KLHDC4: variants seen among roughly 807,000 people sequenced by gnomAD.
KLHDC4 encodes the protein kelch domain containing 4, also known as kelch domain-containing protein 4.
A neutral mutation model predicts 62.4 loss-of-function variants in KLHDC4; 90 were observed. The ratio of observed to expected loss-of-function variants is 1.44; its 90% CI spans 1.22 to 1.72. The LOEUF (loss-of-function observed/expected upper bound fraction) is 1.72, where lower values mean the gene tolerates loss of function less well. Among genes scored for constraint, KLHDC4 ranks in the 40% most tolerant of loss-of-function variants. The probability of loss-of-function intolerance (pLI) is 0.00; values close to 1 mark genes in which losing one functional copy is unlikely to be tolerated. For synonymous variants in KLHDC4, 386 were observed against 284.4 expected (o/e 1.36, Z -3.59); for missense variants, 1,025 against 699.7 (o/e 1.47, Z -5.25).
chr16:87,701,565 C>G (rs1376673245), exon 1 of KLHDC4: 1 of 405,586 alleles, frequency 2.5e-6, no homozygotes, highest in African/African-American at 2.0e-5. Context: ...CCATGTGTAG[C>G]CGGGTGCTGG....
intron 7 of KLHDC4, among the ~76,000 whole-genome samples, chr16:87,723,611 T>C (rs2038834571): frequency 2.6e-5 from 4 of 152,006 alleles, no homozygotes; most frequent in East Asian, 3.8e-4. Context: ...CTCCAGAAAA[T>C]AGGGTGATTT....
chr16:87,763,877 G>C (rs936077409), intron 1 of KLHDC4, among the ~76,000 whole-genome samples: 3 of 152,198 alleles, frequency 2.0e-5, no homozygotes, highest in Non-Finnish European at 2.9e-5. Flanking sequence ...GCTGAATGCT[G>C]AAAAGACGAC....
rs113423102 is a variant in KLHDC4 at position 87,749,778 on chromosome 16, G to A, written c.370-969C>T. On this transcript the variant is annotated intron_variant, in intron 4 of 11. Coordinates refer to ENST00000270583, the MANE Select transcript of KLHDC4 (RefSeq NM_017566.4). ...AATTTTTTGCAGCAATGGCGTCTAC[G>A]CTGTCCAGGCTGGTCTCAAACTCCT... 7.4e-4 allele frequency among the ~76,000 whole-genome samples: 113 copies of A among 152,144 alleles called. 1 individual carries two copies. Among genetic ancestry groups the A allele is most frequent in the African/African-American group, 2.6e-3 (107 of 41,508 alleles).
intron 5 of KLHDC4, among the ~76,000 whole-genome samples, 183 bp downstream of exon 5, chr16:87,748,490 G>A (rs2043385091): frequency 6.6e-6 from 1 of 152,138 alleles, no homozygotes; most frequent in Non-Finnish European, 1.5e-5. Flanking sequence ...ACCCGGCCCA[G>A]GCTTCTGTAT....
At chr16:87,730,731 T>C in intron 5 of KLHDC4, 87 bp from the exon 6 acceptor site, 1 of 1,096,736 alleles carries the variant, frequency 9.1e-7, no homozygotes, top group Non-Finnish European at 1.4e-6. Flanking sequence ...AATCCAATTT[T>C]TACACTGATT....
chr16:87,723,414 A>C (rs1379459834), intron 7 of KLHDC4, among the ~76,000 whole-genome samples: 1 of 152,036 alleles, frequency 6.6e-6, no homozygotes, highest in Non-Finnish European at 1.5e-5. Flanking sequence ...ATGACACGCG[A>C]CTCTGATGAA....
At chr16:87,739,769 G>C (rs1221167395) in intron 5 of KLHDC4, 2 of 152,324 alleles carry the variant, frequency 1.3e-5, no homozygotes, top group Non-Finnish European at 2.9e-5. Context: ...CACGTGTTTT[G>C]ATTCCGCTTT....
chr16:87,748,963 G>A (rs902366622), intron 4 of KLHDC4, among the ~76,000 whole-genome samples, 154 bp from the exon 5 acceptor site: 2 of 147,492 alleles, frequency 1.4e-5, no homozygotes, highest in Admixed American at 1.4e-4. Flanking sequence ...CTGCCTCTAA[G>A]GGGAGGATTC....
intron 4 of KLHDC4, among the ~76,000 whole-genome samples, chr16:87,754,347 A>G (rs770609880): frequency 2.1e-4 from 32 of 151,960 alleles, no homozygotes; most frequent in Non-Finnish European, 3.8e-4. Context: ...CTCCATCTCA[A>G]CAACAACAAC....
At chr16:87,703,106 C>T (rs1467123793), downstream of KLHDC4, 3 of 152,238 alleles carry the variant, frequency 2.0e-5, no homozygotes, top group Admixed American at 1.3e-4. Context: ...GAAGGTCCTT[C>T]CGCTGCAGAG....
chr16:87,716,962 C>T (rs2037131282), intron 7 of KLHDC4, among the ~76,000 whole-genome samples: 1 of 150,810 alleles, frequency 6.6e-6, no homozygotes, highest in African/African-American at 2.4e-5. Context: ...AACTAAGATA[C>T]CAAGATTTGC....
intron 5 of KLHDC4, among the ~76,000 whole-genome samples, chr16:87,743,269 A>G (rs1386959332): frequency 6.6e-6 from 1 of 152,000 alleles, no homozygotes; most frequent in Non-Finnish European, 1.5e-5. Context: ...ACACCTAGCT[A>G]ACTTCTTTAG....
chr16:87,747,714 A>G (rs1262117049), intron 5 of KLHDC4: 2 of 152,342 alleles, frequency 1.3e-5, no homozygotes, highest in East Asian at 3.9e-4. Context: ...AGAGCCAGGC[A>G]GAGCAGTGCA....
chr16:87,701,347 A>G (rs1398479905), exon 1 of KLHDC4: 1 of 305,776 alleles, frequency 3.3e-6, no homozygotes, highest in Non-Finnish European at 6.5e-6. Flanking sequence ...GTGAAGCCAT[A>G]CTGTGGAGAG....
At chr16:87,708,945 G>T (rs1487396288) in intron 10 of KLHDC4, among the ~76,000 whole-genome samples, 2 of 152,254 alleles carry the variant, frequency 1.3e-5, no homozygotes, top group Non-Finnish European at 2.9e-5. Flanking sequence ...CTCAGACCCA[G>T]GGCCTCGGGG....
intron 7 of KLHDC4, among the ~76,000 whole-genome samples, chr16:87,721,317 G>A (rs925539456): frequency 6.6e-6 from 1 of 151,556 alleles, no homozygotes; most frequent in Non-Finnish European, 1.5e-5. Context: ...CTACTCCGGA[G>A]GCAGGAGAAT....
intron 5 of KLHDC4, among the ~76,000 whole-genome samples, chr16:87,744,499 C>T (rs2042733016): frequency 6.6e-6 from 1 of 151,186 alleles, no homozygotes; most frequent in African/African-American, 2.4e-5. Flanking sequence ...ACAAGAATGG[C>T]TTGAACCAGC....
chr16:87,741,580 A>G (rs2042250324), intron 5 of KLHDC4, among the ~76,000 whole-genome samples: 1 of 152,106 alleles, frequency 6.6e-6, no homozygotes, highest in African/African-American at 2.4e-5. Context: ...CGGTGGAAAA[A>G]CTGTCTTCCG....
At chr16:87,716,945 G>C (rs1376122080) in intron 7 of KLHDC4, among the ~76,000 whole-genome samples, 1 of 149,948 alleles carries the variant, frequency 6.7e-6, no homozygotes, top group Non-Finnish European at 1.5e-5. Context: ...AAAAAGAAAA[G>C]AAAAGAAACT....
Sources: allele counts gnomAD v4.1 joint callset (sites outside exome capture counted in the v4.1 genomes callset), GRCh38; gene constraint gnomAD v4.1.1; transcripts MANE v1.5; gene names NCBI Gene and HGNC (gene_info 2026-07-23, HGNC 2026-07-21).